Variants in TRIM24 observed in about 807,000 individuals in gnomAD.
TRIM24 encodes the protein tripartite motif containing 24, also known as transcription intermediary factor 1-alpha.
A neutral mutation model predicts 123.9 loss-of-function variants in TRIM24; 29 were observed. That is an observed-to-expected ratio of 0.23 (90% CI 0.17 to 0.32). The LOEUF (loss-of-function observed/expected upper bound fraction) is 0.32, where lower values mean the gene tolerates loss of function less well. Among genes scored for constraint, TRIM24 ranks in the 10% least tolerant of loss-of-function variants. TRIM24 has a pLI of 1.00. For synonymous variants in TRIM24, 456 were observed against 461.1 expected, an observed-to-expected ratio of 0.99 and a Z score of 0.14; for missense variants, 932 against 1,295.3, an observed-to-expected ratio of 0.72 and a Z score of 4.31.
chr7:138,468,039 T>C (rs1297738385), intron 1 of TRIM24, among the ~76,000 whole-genome samples: 1 of 152,198 alleles, frequency 6.6e-6, no homozygotes, highest in Admixed American at 6.5e-5. Context: ...TGACTAGAAG[T>C]TGAATTTCAG....
chr7:138,483,323 G>A (rs750339243), intron 1 of TRIM24, among the ~76,000 whole-genome samples: 1 of 152,116 alleles, frequency 6.6e-6, no homozygotes, highest in East Asian at 1.9e-4. Context: ...GGCTTCTCTT[G>A]TATCTAATCA....
rs114281840 is a variant in TRIM24, at chr7:138,492,037, G to A, written c.365-12253G>A. On this transcript the variant is annotated intron_variant, in intron 1 of 18. Coordinates refer to ENST00000343526, the MANE Select transcript of TRIM24 (RefSeq NM_015905.3). Reference sequence around the variant, plus strand: ...TCCCAGCTATTTGGGAGTCTGTGGTGGCAGGGTCACTTGAGCCCAGGAGTT... The same window carrying A: ...TCCCAGCTATTTGGGAGTCTGTGGTAGCAGGGTCACTTGAGCCCAGGAGTT... Among the ~76,000 whole-genome samples, 694 of 151,318 alleles carry A rather than the reference G, an allele frequency of 4.6e-3. 5 individuals are homozygous for A. The highest frequency in any genetic ancestry group is 0.015 in the African/African-American group (618 of 41,278).
chr7:138,583,763 C>T, intron 17 of TRIM24, 87 bp from the exon 18 acceptor site: 1 of 981,206 alleles, frequency 1.0e-6, no homozygotes, highest in South Asian at 1.9e-5. Context: ...TGAGAACATT[C>T]TGAATTTTAG....
rs1797081206 is a variant in TRIM24, at chr7:138,545,341, T to C, written c.1144-5722T>C. ...GCTGGCAGCCACGGATGTGAAGTGG[T>C]GAGGGAGGAATACGGAAGTGGTAAG... On this transcript the variant is annotated intron_variant, in intron 7 of 18. Transcript: ENST00000343526. 3.8e-5 allele frequency: 17 copies of C among 443,690 alleles called. No homozygotes were observed. The Admixed American group carries it at 4.0e-4, about 11-fold the overall frequency. 27.5% of individuals were successfully genotyped at this position (443,690 alleles called of 1,614,324 possible). A position where few individuals can be genotyped will look rare whatever the true frequency, so the allele number is the denominator to read the frequency against.
intron 1 of TRIM24, among the ~76,000 whole-genome samples, chr7:138,465,702 G>C (rs542427234): frequency 1.3e-5 from 2 of 152,114 alleles, no homozygotes; most frequent in African/African-American, 4.8e-5. Flanking sequence ...TAATATTTAA[G>C]AATGATCTGT....
chr7:138,474,001 G>A (rs1243621922), intron 1 of TRIM24, among the ~76,000 whole-genome samples: 4 of 152,068 alleles, frequency 2.6e-5, no homozygotes, highest in African/African-American at 9.7e-5. Context: ...GGACTTCTGA[G>A]CTCAAGTGAT....
intron 6 of TRIM24, among the ~76,000 whole-genome samples, chr7:138,537,149 C>T (rs1796895198): frequency 6.6e-6 from 1 of 152,262 alleles, no homozygotes; most frequent in Middle Eastern, 3.4e-3. Flanking sequence ...AATTCCCTGA[C>T]GCCTTGTGCT....
intron 1 of TRIM24, among the ~76,000 whole-genome samples, chr7:138,479,402 T>G (rs530685712): frequency 6.6e-6 from 1 of 152,076 alleles, no homozygotes; most frequent in East Asian, 1.9e-4. Flanking sequence ...TGACAGGGTC[T>G]TGCTCTGTCA....
rs1211141465 is a variant in TRIM24, at chr7:138,579,540, A to T, written c.2585+8A>T. The stretch of plus-strand genomic sequence containing the variant: ...ATTGACAAATTTTCCAAGGTAAGAT[A>T]GTACTTCCCTTCCCACATTCTTTTA... On this transcript the variant is annotated splice_region_variant and intron_variant, in intron 15 of 18. Coordinates refer to ENST00000343526, the MANE Select transcript of TRIM24 (RefSeq NM_015905.3). The T allele has an allele frequency of 3.8e-6, 6 of 1,568,322 alleles. No individual in the cohort carries two copies. Among genetic ancestry groups the T allele is most frequent in the Non-Finnish European group, 5.2e-6 (6 of 1,153,744 alleles).
intron 1 of TRIM24, among the ~76,000 whole-genome samples, chr7:138,479,495 CCTGAGT>C (rs1701675249): frequency 6.6e-6 from 1 of 151,968 alleles, no homozygotes; most frequent in South Asian, 2.1e-4. Context: ...GCCGTAGACT[CCTGAGT>C]AGCTGGGCGT....
In TRIM24 at chr7:138,589,364, T is replaced by C. The variant is rs1487459990; in HGVS notation, c.*4413T>C. On this transcript the variant is annotated 3_prime_UTR_variant, in exon 19 of 19. Coordinates refer to ENST00000343526, the MANE Select transcript of TRIM24 (RefSeq NM_015905.3). ...TGGTTTTAATAAAAACTAACTTTGA[T>C]GGATTTTTACTGTCAATATTTTACC... 1 of 152,176 alleles carries C rather than the reference T, an allele frequency of 6.6e-6. No homozygotes were observed. Among genetic ancestry groups the C allele is most frequent in the African/African-American group, 2.4e-5 (1 of 41,442 alleles). 9.4% of individuals were successfully genotyped at this position (152,176 alleles called of 1,614,324 possible).
chr7:138,584,067 C>A, intron 18 of TRIM24, 68 bp downstream of exon 18: 1 of 1,518,176 alleles, frequency 6.6e-7, no homozygotes, highest in Non-Finnish European at 8.8e-7. Flanking sequence ...TACTAAACAC[C>A]TTGTCAACAT....
rs889970111 is a variant in TRIM24 at position 138,527,885 on chromosome 7, A to G, written c.882-1231A>G. On this transcript the variant is annotated intron_variant, in intron 5 of 18. Coordinates refer to ENST00000343526, the MANE Select transcript of TRIM24 (RefSeq NM_015905.3). ...TCCAAAGACCAGGCCTAGAACAAAGACTGGGCCTAGAACAAAGGCTGGGCC... is the reference window on the plus strand; with the variant it reads ...TCCAAAGACCAGGCCTAGAACAAAGGCTGGGCCTAGAACAAAGGCTGGGCC... Among the ~76,000 whole-genome samples, 4 of 152,190 alleles carry G rather than the reference A, an allele frequency of 2.6e-5. No individual in the cohort carries two copies. In the Middle Eastern group the frequency reaches 0.01, roughly 388 times the overall value.
chr7:138,521,498 G>A (rs1248388743), intron 4 of TRIM24, among the ~76,000 whole-genome samples: 1 of 152,062 alleles, frequency 6.6e-6, no homozygotes, highest in Non-Finnish European at 1.5e-5. Context: ...TTGTGGGGAT[G>A]TGGAATAGTT....
At position 138,577,563 on chromosome 7, in the gene TRIM24, C is replaced by T. The variant is rs781202677; in HGVS notation, c.2231C>T (p.Ser744Leu). 3.1e-6 allele frequency: 5 copies of T among 1,607,320 alleles called. No individual in the cohort carries two copies. The highest frequency in any genetic ancestry group is 1.1e-5 in the South Asian group (1 of 90,040). The change falls in exon 14 of 19, where the codon TCA becomes TTA. Residue 744 changes from serine (S) to leucine (L), a missense_variant. Coordinates refer to ENST00000343526, the MANE Select transcript of TRIM24 (RefSeq NM_015905.3). ...CCTGTTGTTATAGTGAAGCAAGAAT[C>T]AGATGAAGAATCTAGGCCTCAAAAT... ...DFPVVIVKQE[S>L]DEESRPQNAN...
At chr7:138,462,029 G>A (rs370560575) in intron 1 of TRIM24, among the ~76,000 whole-genome samples, 13 of 152,158 alleles carry the variant, frequency 8.5e-5, no homozygotes, top group African/African-American at 3.1e-4. Flanking sequence ...CAGCACCCTT[G>A]CCAGCGAGAT....
chr7:138,508,720 C>CT (rs1304489973), intron 2 of TRIM24, among the ~76,000 whole-genome samples: 1,540 of 72,364 alleles, frequency 0.021, 34 homozygotes, highest in African/African-American at 0.066. Flanking sequence ...TGTGTGTGTG[C>CT]GTGTGTGTGT....
intron 10 of TRIM24, 52 bp downstream of exon 10, chr7:138,567,706 C>T: frequency 6.7e-7 from 1 of 1,490,708 alleles, no homozygotes; most frequent in Non-Finnish European, 9.0e-7. Flanking sequence ...TTTCTACTTT[C>T]AAATCACAAA....
intron 17 of TRIM24, among the ~76,000 whole-genome samples, chr7:138,582,790 A>G (rs535035546): frequency 2.0e-5 from 3 of 152,334 alleles, no homozygotes; most frequent in Non-Finnish European, 4.4e-5. Flanking sequence ...TGAGAAGAAA[A>G]TCAGCTTAGT....
Sources: gnomAD v4.1 joint callset for allele counts (sites outside exome capture counted in the v4.1 genomes callset) on GRCh38, gnomAD v4.1.1 for gene constraint, MANE v1.5 for transcripts, NCBI Gene and HGNC (gene_info 2026-07-23, HGNC 2026-07-21) for gene names.